The following PCDH7 variants were observed in gnomAD, a reference collection of about 807,000 sequenced individuals.
The protein encoded by PCDH7 is protocadherin 7.
In PCDH7, 17 loss-of-function variants were observed where a neutral mutation model predicts 58.9. The ratio of observed to expected loss-of-function variants is 0.29; its 90% confidence interval spans 0.20 to 0.43. The LOEUF is 0.43. Among genes scored for constraint, PCDH7 ranks in the 20% least tolerant of loss-of-function variants. The pLI is 1.00. For missense variants in PCDH7, 1,274 were observed against 1,441.0 expected (o/e 0.88, Z 1.88); for synonymous variants, 664 against 616.4 (o/e 1.08, Z -1.14).
rs558287755 is a variant in PCDH7 at position 31,032,826 on chromosome 4, G to A, written c.*7+82611G>A. ...AAACAATCCATTTTATATGAAATTA[G>A]AAGATAAGAATTTTGTCATGAAATG... On this transcript the variant is annotated intron_variant, in intron 3 of 3. Coordinates refer to the PCDH7 transcript ENST00000509759. Among the ~76,000 whole-genome samples the A allele has an allele frequency of 2.0e-5, 3 of 152,264 alleles. No individual in the cohort carries two copies. In the South Asian group the frequency reaches 6.2e-4, roughly 32 times the overall value.
intron 1 of PCDH7, among the ~76,000 whole-genome samples, chr4:30,864,581 T>C (rs1734641416): frequency 1.3e-5 from 2 of 152,200 alleles, no homozygotes; most frequent in African/African-American, 2.4e-5. Context: ...TTTACATGGA[T>C]GACAGACTTG....
chr4:30,950,637 A>G (rs934584155), intron 3 of PCDH7, among the ~76,000 whole-genome samples: 5 of 152,228 alleles, frequency 3.3e-5, no homozygotes, highest in Admixed American at 6.5e-5. Flanking sequence ...AAAGCATTGC[A>G]CAAAATTTTA....
At chr4:31,023,588 A>G (rs1285640947) in intron 3 of PCDH7, among the ~76,000 whole-genome samples, 1 of 152,202 alleles carries the variant, frequency 6.6e-6, no homozygotes, top group Non-Finnish European at 1.5e-5. Flanking sequence ...GTGTGCAGGT[A>G]AGAAACTAAA....
intron 3 of PCDH7, among the ~76,000 whole-genome samples, chr4:31,119,899 C>T (rs978612720): frequency 2.0e-5 from 3 of 151,740 alleles, no homozygotes; most frequent in Admixed American, 6.6e-5. Context: ...TGGGCCCACT[C>T]GCCTAAGTCC....
At chr4:31,055,584 T>G (rs2109227709) in intron 3 of PCDH7, among the ~76,000 whole-genome samples, 1 of 152,056 alleles carries the variant, frequency 6.6e-6, no homozygotes, top group East Asian at 1.9e-4. Context: ...TATTTTTTTG[T>G]TTTTTTGTTT....
intron 1 of PCDH7, among the ~76,000 whole-genome samples, chr4:30,917,902 C>G (rs1020409156): frequency 6.6e-6 from 1 of 152,080 alleles, no homozygotes. Flanking sequence ...ACCCAAATGT[C>G]ACTCTTTTTT....
chr4:30,824,831 T>C (rs1728902813), intron 1 of PCDH7, among the ~76,000 whole-genome samples: 1 of 152,116 alleles, frequency 6.6e-6, no homozygotes, highest in South Asian at 2.1e-4. Context: ...CAACAGCTTA[T>C]AAATAGTAAT....
rs1713702781 is a variant in PCDH7 at position 30,722,130 on chromosome 4, C to T, written c.708C>T (p.Asn236=). The T allele has an allele frequency of 6.9e-7, 1 of 1,442,618 alleles. No homozygotes were observed. Among genetic ancestry groups the T allele is most frequent in the South Asian group, 1.4e-5 (1 of 69,382 alleles). 89.4% of individuals were successfully genotyped at this position (1,442,618 alleles called of 1,614,324 possible). A position where few individuals can be genotyped will look rare whatever the true frequency, so the allele number is the denominator to read the frequency against. ...CATCAGAGGGCGGCGGCGGCACCAACCCCGGCGGCCGCAGCAGCGTGTTCG... is the reference window on the plus strand; with the variant it reads ...CATCAGAGGGCGGCGGCGGCACCAATCCCGGCGGCCGCAGCAGCGTGTTCG... The change falls in exon 1 of 2, where the codon AAC becomes AAT. Residue 236 remains asparagine, a synonymous_variant. Transcript: ENST00000361762. This position sits in a 1 kb window ranked among gnomAD's most constrained non-coding sequence, Gnocchi z 7.6.
At chr4:30,975,963 C>T (rs576230361) in intron 3 of PCDH7, among the ~76,000 whole-genome samples, 2 of 152,206 alleles carry the variant, frequency 1.3e-5, no homozygotes, top group Non-Finnish European at 2.9e-5. Context: ...GAACATTTGT[C>T]TTACTTTGAA....
intron 2 of PCDH7, among the ~76,000 whole-genome samples, chr4:30,936,880 A>G (rs1409960051): frequency 6.6e-6 from 1 of 152,088 alleles, no homozygotes; most frequent in Admixed American, 6.6e-5. Context: ...GGTAAGAAGA[A>G]TCAATACCAG....
chr4:31,022,706 A>C, intron 3 of PCDH7, among the ~76,000 whole-genome samples: 1 of 152,106 alleles, frequency 6.6e-6, no homozygotes, highest in East Asian at 1.9e-4. Context: ...ATGAATACCA[A>C]ATTTGTCTGT....
At chr4:30,910,066 G>A (rs1741528144) in intron 1 of PCDH7, among the ~76,000 whole-genome samples, 2 of 152,120 alleles carry the variant, frequency 1.3e-5, no homozygotes, top group South Asian at 4.1e-4. Context: ...ACAAAAACAA[G>A]CAATGGAGAA....
chr4:30,808,693 A>G (rs569896560), intron 1 of PCDH7, among the ~76,000 whole-genome samples: 1 of 152,320 alleles, frequency 6.6e-6, no homozygotes, highest in African/African-American at 2.4e-5. Context: ...ACTAATTTCT[A>G]GTAATATTTT....
chr4:30,833,209 C>T (rs896211328), intron 1 of PCDH7, among the ~76,000 whole-genome samples: 3 of 152,152 alleles, frequency 2.0e-5, no homozygotes, highest in Non-Finnish European at 2.9e-5. Context: ...TAAAACATCT[C>T]AAATTTATCT....
chr4:30,833,806 C>T (rs777954971), intron 1 of PCDH7, among the ~76,000 whole-genome samples: 15 of 152,250 alleles, frequency 9.9e-5, no homozygotes, highest in Non-Finnish European at 1.8e-4. Context: ...CATGATGAGA[C>T]AGAAATTACG....
At chr4:31,113,597 A>T (rs895873558) in intron 3 of PCDH7, among the ~76,000 whole-genome samples, 1 of 152,128 alleles carries the variant, frequency 6.6e-6, no homozygotes, top group Non-Finnish European at 1.5e-5. Context: ...CACGCTGCAT[A>T]AACAAATCCA....
At chr4:31,015,811 G>T (rs193072077) in intron 3 of PCDH7, among the ~76,000 whole-genome samples, 4 of 152,142 alleles carry the variant, frequency 2.6e-5, no homozygotes, top group Admixed American at 6.5e-5. Flanking sequence ...ATTCATAGGA[G>T]AATCTTTAGA....
chr4:30,897,892 T>C (rs1739658294), intron 1 of PCDH7, among the ~76,000 whole-genome samples: 1 of 152,232 alleles, frequency 6.6e-6, no homozygotes, highest in African/African-American at 2.4e-5. Flanking sequence ...TATGATTCTT[T>C]GGCAATAATG....
chr4:31,142,854 T>C (rs1193660445), exon 4 of PCDH7: 12 of 1,356,128 alleles, frequency 8.8e-6, no homozygotes, highest in South Asian at 1.1e-5. Context: ...CTGTAGGCTA[T>C]AAAGGAGCAA....
Sources: gnomAD v4.1 joint callset for allele counts (sites outside exome capture counted in the v4.1 genomes callset) on GRCh38, gnomAD v4.1.1 for gene constraint, Gnocchi (gnomAD v3.1) non-coding constraint, MANE v1.5 for transcripts, NCBI Gene and HGNC (gene_info 2026-07-23, HGNC 2026-07-21) for gene names.